UBXN2B: variants seen among roughly 807,000 people sequenced by gnomAD.
UBXN2B encodes the protein UBX domain protein 2B.
A neutral mutation model predicts 37.5 loss-of-function variants in UBXN2B; 19 were observed. The observed-to-expected ratio is 0.51, with a 90% CI of 0.35 to 0.74. The LOEUF is 0.74. Ranked by LOEUF, UBXN2B falls within the 30% of genes least tolerant of loss-of-function variation. The probability of loss-of-function intolerance (pLI) is 0.01; values close to 1 mark genes in which losing one functional copy is unlikely to be tolerated. For missense variants in UBXN2B, 370 were observed against 393.2 expected, an observed-to-expected ratio of 0.94 and a Z score of 0.50; for synonymous variants, 145 against 143.8, an observed-to-expected ratio of 1.01 and a Z score of -0.06.
chr8:58,433,144 T>A lies in UBXN2B; in HGVS notation c.340-16T>A, dbSNP rs776281891. On this transcript the variant is annotated splice_polypyrimidine_tract_variant and intron_variant, in intron 3 of 7. Transcript: ENST00000399598. ...TAATCCTTTGTGAATTTTAACTCAC[T>A]TGCTATGTATTTTAGTCATTTACAG... 6 of 1,581,966 alleles carry A rather than the reference T, an allele frequency of 3.8e-6. No individual in the cohort carries two copies. The Admixed American group carries it at 1.0e-4, about 27-fold the overall frequency.
chr8:58,425,959 A>G lies in UBXN2B; in HGVS notation c.189-4560A>G. 4 of 1,434,982 alleles carry G rather than the reference A, an allele frequency of 2.8e-6. No homozygotes were observed. The South Asian group carries it at 3.4e-5, about 12-fold the overall frequency. 88.9% of individuals were successfully genotyped at this position (1,434,982 alleles called of 1,614,324 possible). ...CAAGGTGGCTCTGGCTCTCTCATAC[A>G]AGAAAACTACCATGTTTTCCTTTTT... On this transcript the variant is annotated intron_variant, in intron 2 of 7. Transcript: ENST00000399598.
rs1808049615 is a variant in UBXN2B at position 58,425,227 on chromosome 8, A to C, written c.189-5292A>C. 99 of 1,070,110 alleles carry C rather than the reference A, an allele frequency of 9.3e-5. 2 individuals carry two copies. In the South Asian group the frequency reaches 1.1e-3, roughly 12 times the overall value. The allele number at this position is 1,070,110 out of a possible 1,614,324, so 66.3% of individuals were successfully genotyped here. A position where few individuals can be genotyped will look rare whatever the true frequency, so the allele number is the denominator to read the frequency against. On this transcript the variant is annotated intron_variant, in intron 2 of 7. Coordinates refer to ENST00000399598, the MANE Select transcript of UBXN2B (RefSeq NM_001077619.2). ...TTCTCTGATATTCCTAACACGCATG[A>C]TGCCATATTCTTTTAGAGCATACTC...
At chr8:58,424,710 A>T in intron 2 of UBXN2B, 1 of 1,332,910 alleles carries the variant, frequency 7.5e-7, no homozygotes, top group Admixed American at 1.7e-5. Context: ...TCTGATCTCC[A>T]CTCGTCTGGT....
chr8:58,425,369 G>T, intron 2 of UBXN2B: 1 of 1,135,042 alleles, frequency 8.8e-7, no homozygotes, highest in East Asian at 2.3e-5. Flanking sequence ...ACCATGTTTT[G>T]CAGGCAGCCT....
At chr8:58,428,908 T>G (rs1385259446) in intron 2 of UBXN2B, among the ~76,000 whole-genome samples, 1 of 152,220 alleles carries the variant, frequency 6.6e-6, no homozygotes, top group Non-Finnish European at 1.5e-5. Context: ...TGGACATTTA[T>G]GTAGAGAAAA....
rs1347668764 is a variant in UBXN2B, at chr8:58,448,879, T to G, written c.*1328T>G. 1 of 152,266 alleles carries G rather than the reference T, an allele frequency of 6.6e-6. No individual in the cohort carries two copies. The highest frequency in any genetic ancestry group is 6.5e-5 in the Admixed American group (1 of 15,280). The allele number at this position is 152,266 out of a possible 1,614,324, so 9.4% of individuals were successfully genotyped here. A position where few individuals can be genotyped will look rare whatever the true frequency, so the allele number is the denominator to read the frequency against. On this transcript the variant is annotated 3_prime_UTR_variant, in exon 8 of 8. Transcript: ENST00000399598. ...TAGCACAAATTTATTATCTTCACAA[T>G]TCTGTAGGTTAGGAGTCCAGGTTAA...
In UBXN2B at chr8:58,411,405, C is replaced by T; in HGVS notation, c.20C>T (p.Pro7Leu). MAEGGG[P>L]EPGEQERRSS... is the part of the protein sequence containing the mutation. The stretch of plus-strand genomic sequence containing the variant: ...CGGAAGATGGCGGAGGGCGGAGGCC[C>T]TGAGCCCGGCGAGCAGGAGAGGAGG... The change falls in exon 1 of 8, where the codon CCT (proline) becomes CTT (leucine). Residue 7 changes from proline to leucine, a missense_variant. Coordinates refer to ENST00000399598, the MANE Select transcript of UBXN2B (RefSeq NM_001077619.2). 5 of 1,269,352 alleles carry T rather than the reference C, an allele frequency of 3.9e-6. No homozygotes were observed. Among genetic ancestry groups the T allele is most frequent in the Non-Finnish European group, 5.0e-6 (5 of 1,002,620 alleles). The allele number at this position is 1,269,352 out of a possible 1,614,324, so 78.6% of individuals were successfully genotyped here.
At chr8:58,434,301 T>A in intron 4 of UBXN2B, 94 bp from the exon 5 acceptor site, 1 of 333,900 alleles carries the variant, frequency 3.0e-6, no homozygotes, top group Non-Finnish European at 5.1e-6. Context: ...GATATCACAT[T>A]TGGAACTTAA....
At chr8:58,426,174 G>GTA in intron 2 of UBXN2B, 1 of 689,644 alleles carries the variant, frequency 1.5e-6, no homozygotes, top group Non-Finnish European at 2.7e-6. Context: ...CCTCCACACA[G>GTA]ATCACAGTAA....
rs1808771208 is a variant in UBXN2B, at chr8:58,450,129, C to T, written c.*2578C>T. 1 of 152,224 alleles carries T rather than the reference C, an allele frequency of 6.6e-6. No individual in the cohort carries two copies. Among genetic ancestry groups the T allele is most frequent in the Non-Finnish European group, 1.5e-5 (1 of 68,048 alleles). 9.4% of individuals were successfully genotyped at this position (152,224 alleles called of 1,614,324 possible). On this transcript the variant is annotated 3_prime_UTR_variant, in exon 8 of 8. Transcript: ENST00000399598. ...TATACAGCCATATCTTCATCACTTT[C>T]TCTAGAGTAAAGGCTGTCCTGACGG...
At position 58,417,078 on chromosome 8, in the gene UBXN2B, A is replaced by T. The variant is rs969479478; in HGVS notation, c.188+125A>T. 1.7e-5 allele frequency: 12 copies of T among 705,016 alleles called. No homozygotes were observed. The Admixed American group carries it at 3.2e-4, about 19-fold the overall frequency. The allele number at this position is 705,016 out of a possible 1,614,324, so 43.7% of individuals were successfully genotyped here. A position where few individuals can be genotyped will look rare whatever the true frequency, so the allele number is the denominator to read the frequency against. On this transcript the variant is annotated intron_variant, in intron 2 of 7. Transcript: ENST00000399598. ...AATAATTTTTAAAAATTATTATTCC[A>T]AGATCGAGGCAGATTTGGATAAAAA...
rs1049793142 is a variant in UBXN2B, at chr8:58,424,550, C to A, written c.189-5969C>A. On this transcript the variant is annotated intron_variant, in intron 2 of 7. Coordinates refer to ENST00000399598, the MANE Select transcript of UBXN2B (RefSeq NM_001077619.2). ...GATCTTTTTAGGGAGAGAGTGAAGT[C>A]CACATCTATTTTTGTGCTGAAGTTT... is the stretch of plus-strand genomic sequence containing the variant. The A allele has an allele frequency of 9.9e-6, 9 of 906,268 alleles. No homozygotes were observed. In the African/African-American group the frequency reaches 1.5e-4, roughly 15 times the overall value. The allele number at this position is 906,268 out of a possible 1,614,324, so 56.1% of individuals were successfully genotyped here.
intron 3 of UBXN2B, among the ~76,000 whole-genome samples, chr8:58,431,905 T>C (rs903186185): frequency 6.6e-6 from 1 of 152,230 alleles, no homozygotes; most frequent in African/African-American, 2.4e-5. Flanking sequence ...AGGAAATATC[T>C]CTTCATTACT....
At chr8:58,427,424 C>G (rs1808132590) in intron 2 of UBXN2B, among the ~76,000 whole-genome samples, 1 of 152,168 alleles carries the variant, frequency 6.6e-6, no homozygotes, top group African/African-American at 2.4e-5. Flanking sequence ...GATCACGCCA[C>G]TGCACTCTAG....
Position 58,447,615 on chromosome 8 carries a change from A to G in UBXN2B, c.*64A>G. 5 of 1,382,952 alleles carry G rather than the reference A, an allele frequency of 3.6e-6. No homozygotes were observed. The highest frequency in any genetic ancestry group is 2.4e-5 in the East Asian group (1 of 41,188). 85.7% of individuals were successfully genotyped at this position (1,382,952 alleles called of 1,614,324 possible). On this transcript the variant is annotated 3_prime_UTR_variant, in exon 8 of 8. Transcript: ENST00000399598. Reference sequence around the variant, plus strand: ...GATGTGCCGTATTAATAAGGACAATACTTCAGCATTAAAAACAGCCAAATT... The same window carrying G: ...GATGTGCCGTATTAATAAGGACAATGCTTCAGCATTAAAAACAGCCAAATT...
chr8:58,418,047 C>T (rs932702895), intron 2 of UBXN2B, among the ~76,000 whole-genome samples: 42 of 151,996 alleles, frequency 2.8e-4, no homozygotes, highest in African/African-American at 9.7e-4. Flanking sequence ...TCAAGACCAG[C>T]CTGGCCAACA....
chr8:58,447,379 A>T lies in UBXN2B; in HGVS notation c.834-10A>T, dbSNP rs752409715. 1 of 1,550,076 alleles carries T rather than the reference A, an allele frequency of 6.5e-7. No homozygotes were observed. The highest frequency in any genetic ancestry group is 8.7e-7 in the Non-Finnish European group (1 of 1,147,950). ...TTATATTACAAATTATTTTTGTCTT[A>T]TTTCTTCAGGATCCTGGATGTCCGG... On this transcript the variant is annotated splice_polypyrimidine_tract_variant and intron_variant, in intron 7 of 7. Coordinates refer to ENST00000399598, the MANE Select transcript of UBXN2B (RefSeq NM_001077619.2).
At chr8:58,436,551 GTCC>G (rs1277882197) in intron 5 of UBXN2B, among the ~76,000 whole-genome samples, 1 of 152,150 alleles carries the variant, frequency 6.6e-6, no homozygotes, top group African/African-American at 2.4e-5. Flanking sequence ...TAGATGTTTT[GTCC>G]TCCTCAAATC....
intron 1 of UBXN2B, among the ~76,000 whole-genome samples, chr8:58,413,559 G>A (rs1807695525): frequency 6.6e-6 from 1 of 152,072 alleles, no homozygotes; most frequent in Non-Finnish European, 1.5e-5. Context: ...GTCTTTCAGA[G>A]TGAGTAAAGG....
Sources: gnomAD v4.1 joint callset for allele counts (sites outside exome capture counted in the v4.1 genomes callset) on GRCh38, gnomAD v4.1.1 for gene constraint, MANE v1.5 for transcripts, NCBI Gene and HGNC (gene_info 2026-07-23, HGNC 2026-07-21) for gene names.